The following MPHOSPH10 variants were observed in gnomAD, a reference collection of about 807,000 sequenced individuals.
The protein encoded by MPHOSPH10 is M-phase phosphoprotein 10.
A neutral mutation model predicts 77.3 loss-of-function variants in MPHOSPH10; 33 were observed. The observed-to-expected ratio is 0.43, with a 90% confidence interval of 0.32 to 0.57. The LOEUF (loss-of-function observed/expected upper bound fraction) is 0.57. Among genes scored for constraint, MPHOSPH10 ranks in the 20% least tolerant of loss-of-function variants. MPHOSPH10 has a pLI of 0.07. For synonymous variants in MPHOSPH10, 245 were observed against 268.0 expected (o/e 0.91, Z 0.84); for missense variants, 708 against 780.1 (o/e 0.91, Z 1.10).
intron 4 of MPHOSPH10, among the ~76,000 whole-genome samples, chr2:71,135,594 A>G (rs1042871137): frequency 6.6e-6 from 1 of 151,960 alleles, no homozygotes; most frequent in African/African-American, 2.4e-5. Context: ...TCTGTCCCTA[A>G]TATCTTTATA....
intron 8 of MPHOSPH10, 35 bp from the exon 9 acceptor site, chr2:71,147,964 C>G: frequency 6.5e-7 from 1 of 1,547,276 alleles, no homozygotes; most frequent in Admixed American, 1.7e-5. Flanking sequence ...AGAGTCCCTT[C>G]TGGCTTCCCA....
In MPHOSPH10 at chr2:71,149,949, TGCAAAGAAAACA is replaced by T; in HGVS notation, c.1982_1993del (p.Ala661_Thr664del). ...ATCAAGTAAAAATGCAAATCAATGA[TGCAAAGAAAACA>T]GAAAAGAAAAAGAAGAAAAGACAGG... On this transcript the variant is annotated inframe_deletion, in exon 11 of 11. Coordinates refer to ENST00000244230, the MANE Select transcript of MPHOSPH10 (RefSeq NM_005791.3). 1.3e-6 allele frequency: 2 copies of T among 1,545,208 alleles called. No homozygotes were observed. Among genetic ancestry groups the T allele is most frequent in the Non-Finnish European group, 1.8e-6 (2 of 1,138,628 alleles).
chr2:71,139,735 G>A, intron 5 of MPHOSPH10, 60 bp from the exon 6 acceptor site: 1 of 1,208,782 alleles, frequency 8.3e-7, no homozygotes, highest in Non-Finnish European at 1.2e-6. Flanking sequence ...TCCAAGGACT[G>A]CACTGAATCA....
chr2:71,143,183 C>T (rs933321842), intron 7 of MPHOSPH10, among the ~76,000 whole-genome samples: 4 of 148,576 alleles, frequency 2.7e-5, no homozygotes, highest in Non-Finnish European at 5.9e-5. Flanking sequence ...TGCTCGGTTG[C>T]CAGGCTGGAG....
At chr2:71,136,028 G>A (rs945698551) in intron 4 of MPHOSPH10, among the ~76,000 whole-genome samples, 1 of 152,086 alleles carries the variant, frequency 6.6e-6, no homozygotes, top group African/African-American at 2.4e-5. Context: ...TCTTTAAGGT[G>A]CTCCACAGAT....
intron 8 of MPHOSPH10, 58 bp from the exon 9 acceptor site, chr2:71,147,941 C>G (rs535359848): frequency 7.6e-7 from 1 of 1,309,926 alleles, no homozygotes; most frequent in East Asian, 2.3e-5. Flanking sequence ...TCACAGTTCA[C>G]ACATTTTGTG....
intron 4 of MPHOSPH10, among the ~76,000 whole-genome samples, chr2:71,137,456 C>T (rs947274584): frequency 3.3e-5 from 5 of 151,786 alleles, no homozygotes; most frequent in South Asian, 2.1e-4. Context: ...CTCAGGAGTT[C>T]GAGACCAGCC....
chr2:71,130,747 T>G lies in MPHOSPH10; in HGVS notation c.82T>G (p.Phe28Val), dbSNP rs746165470. 6.2e-7 allele frequency: 1 copy of G among 1,608,190 alleles called. No homozygotes were observed. Among genetic ancestry groups the G allele is most frequent in the South Asian group, 1.1e-5 (1 of 90,670 alleles). Residue 28 changes from phenylalanine to valine, a missense_variant, in exon 1 of 11, where the codon TTC becomes GTC. Physicochemically the swap from Phe to Val is conservative, Grantham distance 50. Transcript: ENST00000244230. ...CAAAGCCACGGGTCGGCCCGAGTGC[T>G]TCCTCACGTAAGTGCGCAGATCCCG... ...VGKATGRPEC[F>V]LTIQEGLASK...
chr2:71,143,574 T>G (rs1331655123), intron 7 of MPHOSPH10, among the ~76,000 whole-genome samples: 1 of 152,218 alleles, frequency 6.6e-6, no homozygotes, highest in Non-Finnish European at 1.5e-5. Context: ...AACATTTTTA[T>G]CAGCCCACAA....
At position 71,149,480 on chromosome 2, in the gene MPHOSPH10, C is replaced by T. The variant is rs1320560368; in HGVS notation, c.1896+27C>T. The T allele has an allele frequency of 3.2e-6, 5 of 1,584,384 alleles. No individual in the cohort carries two copies. The Admixed American group carries it at 5.3e-5, about 17-fold the overall frequency. ...TAAGGACAAGGGAAAGAAAACTGCT[C>T]AAGGGGACCTTTGTGGGGGAAGTGG... On this transcript the variant is annotated intron_variant, in intron 10 of 10. Transcript: ENST00000244230.
At chr2:71,147,262 T>C (rs540021424) in intron 8 of MPHOSPH10, among the ~76,000 whole-genome samples, 1 of 152,222 alleles carries the variant, frequency 6.6e-6, no homozygotes, top group Admixed American at 6.5e-5. Flanking sequence ...TAGAGATCAG[T>C]AAATCTTACC....
intron 8 of MPHOSPH10, among the ~76,000 whole-genome samples, chr2:71,146,062 C>T (rs767206192): frequency 6.6e-6 from 1 of 152,204 alleles, no homozygotes; most frequent in East Asian, 1.9e-4. Flanking sequence ...TCAGGCAGCA[C>T]GAAATGCATC....
chr2:71,132,999 A>G lies in MPHOSPH10; in HGVS notation c.191A>G (p.Gln64Arg), dbSNP rs772852882. The G allele has an allele frequency of 6.2e-6, 10 of 1,614,058 alleles. No individual in the cohort carries two copies. The highest frequency in any genetic ancestry group is 8.5e-6 in the Non-Finnish European group (10 of 1,180,022). ...ENGRIHGSPL[Q>R]KLVIENFDDE... ...GGTAGGATCCATGGAAGCCCCTTGC[A>G]AAAACTTGTGATAGAAAATTTTGAT... is the stretch of plus-strand genomic sequence containing the variant. Residue 64 changes from glutamine (Q) to arginine (R), a missense_variant, in exon 2 of 11, where the codon CAA (glutamine) becomes CGA (arginine). Physicochemically the swap from Gln to Arg is conservative, Grantham distance 43. Around this residue, in one of 3 missense-constraint regions of MPHOSPH10, gnomAD observed 433 missense variants for 432.6 expected, o/e 1.00. Transcript: ENST00000244230.
intron 6 of MPHOSPH10, among the ~76,000 whole-genome samples, chr2:71,140,447 C>G (rs1357887716): frequency 6.6e-6 from 1 of 152,090 alleles, no homozygotes; most frequent in Non-Finnish European, 1.5e-5. Context: ...TGATGATAAC[C>G]CATTAATCCA....
chr2:71,137,316 A>T (rs950274231), intron 4 of MPHOSPH10, among the ~76,000 whole-genome samples: 1 of 152,182 alleles, frequency 6.6e-6, no homozygotes, highest in African/African-American at 2.4e-5. Context: ...GTTGATTAAC[A>T]TTCTTTTAGA....
Position 71,134,786 on chromosome 2 carries a change from A to G in MPHOSPH10, c.1087A>G (p.Arg363Gly), listed in dbSNP as rs1673454489. ...SDEVKSSFEK[R>G]QEKMNEKIAS... ...TGAAGTTAAATCCTCCTTTGAAAAA[A>G]GACAGGAAAAGGTAATTAGTAATTT... Residue 363 changes from arginine (R) to glycine (G), a missense_variant, in exon 4 of 11, where the codon AGA (arginine) becomes GGA (glycine). Coordinates refer to ENST00000244230, the MANE Select transcript of MPHOSPH10 (RefSeq NM_005791.3). 1 of 1,575,798 alleles carries G rather than the reference A, an allele frequency of 6.3e-7. No individual in the cohort carries two copies. The highest frequency in any genetic ancestry group is 1.9e-5 in the Admixed American group (1 of 53,308).
At chr2:71,138,746 A>C (rs1673550318) in intron 5 of MPHOSPH10, 115 bp downstream of exon 5, 12 of 1,421,182 alleles carry the variant, frequency 8.4e-6, no homozygotes, top group Non-Finnish European at 1.1e-5. Flanking sequence ...AAAACTTGTA[A>C]ACACATGGCT....
chr2:71,138,836 ACCAGCCTGGCCAACATGGTGAAAC>A, intron 5 of MPHOSPH10: 1 of 704,624 alleles, frequency 1.4e-6, no homozygotes, highest in South Asian at 1.6e-5. Context: ...GGAGTTTGAG[ACCAGCCTGGCCAACATGGTGAAAC>A]CCCGTCTCTA....
At position 71,147,410 on chromosome 2, in the gene MPHOSPH10, A is replaced by G. The variant is rs1415603824; in HGVS notation, c.1558-589A>G. On this transcript the variant is annotated intron_variant, in intron 8 of 10. Transcript: ENST00000244230. Reference sequence around the variant, plus strand: ...TAGAAAACGCCGGGTGTGGTGGCTCATGCCTGTAATCCCAGCACTTTGGGA... The same window carrying G: ...TAGAAAACGCCGGGTGTGGTGGCTCGTGCCTGTAATCCCAGCACTTTGGGA... 5.3e-5 allele frequency among the ~76,000 whole-genome samples: 8 copies of G among 152,328 alleles called. No individual in the cohort carries two copies. In the East Asian group the frequency reaches 1.5e-3, roughly 29 times the overall value.
Sources: allele counts gnomAD v4.1 joint callset (sites outside exome capture counted in the v4.1 genomes callset), GRCh38; gene constraint gnomAD v4.1.1; regional missense constraint gnomAD v4.1.1; transcripts MANE v1.5; gene names NCBI Gene and HGNC (gene_info 2026-07-23, HGNC 2026-07-21).